The following KLHL8 variants were observed in gnomAD, a reference collection of about 807,000 sequenced individuals.
The protein encoded by KLHL8 is kelch-like protein 8.
A neutral mutation model predicts 63.5 loss-of-function variants in KLHL8; 38 were observed. The observed-to-expected ratio is 0.60, with a 90% CI of 0.46 to 0.78. The LOEUF is 0.78. Ranked by LOEUF, KLHL8 falls within the 30% of genes least tolerant of loss-of-function variation. The probability of loss-of-function intolerance (pLI) is 0.00; values close to 1 mark genes in which losing one functional copy is unlikely to be tolerated. For synonymous variants in KLHL8, 224 were observed against 254.3 expected (o/e 0.88, Z 1.13); for missense variants, 566 against 752.4 (o/e 0.75, Z 2.90).
intron 1 of KLHL8, among the ~76,000 whole-genome samples, chr4:87,215,941 C>A (rs1004270462): frequency 5.3e-5 from 8 of 152,158 alleles, no homozygotes; most frequent in Admixed American, 6.5e-5. Flanking sequence ...AAATATCATA[C>A]AACAGATTAT....
At chr4:87,226,759 T>A (rs1434362292) in intron 1 of KLHL8, among the ~76,000 whole-genome samples, 1 of 5,894 alleles carries the variant, frequency 1.7e-4, no homozygotes, top group Non-Finnish European at 2.8e-4. Context: ...TATATATTAT[T>A]TATATATAAT....
chr4:87,178,334 A>C lies in KLHL8; in HGVS notation c.1096+143T>G, dbSNP rs757967079. 171 of 834,422 alleles carry C rather than the reference A, an allele frequency of 2.0e-4. 1 individual carries two copies. Among genetic ancestry groups the C allele is most frequent in the Non-Finnish European group, 2.9e-4 (163 of 563,252 alleles). The allele number at this position is 834,422 out of a possible 1,614,324, so 51.7% of individuals were successfully genotyped here. A position where few individuals can be genotyped will look rare whatever the true frequency, so the allele number is the denominator to read the frequency against. On this transcript the variant is annotated intron_variant, in intron 5 of 9. Coordinates refer to ENST00000273963, the MANE Select transcript of KLHL8 (RefSeq NM_020803.5). ...ACTGAGCATCTGTGGGCACAAAGCA[A>C]GTAAATTATCACTAACCAAGCATTT... is the stretch of plus-strand genomic sequence containing the variant.
chr4:87,183,795 C>T (rs1160719585), intron 3 of KLHL8, among the ~76,000 whole-genome samples: 1 of 152,102 alleles, frequency 6.6e-6, no homozygotes, highest in East Asian at 1.9e-4. Flanking sequence ...TGTTCTTTTG[C>T]CTTTTTAAGC....
At chr4:87,185,821 A>G (rs567370628) in intron 2 of KLHL8, 22 bp from the exon 3 acceptor site, 1 of 1,538,504 alleles carries the variant, frequency 6.5e-7, no homozygotes, top group African/African-American at 1.4e-5. Flanking sequence ...AAACCAAGAA[A>G]GATTCTGTTT....
At chr4:87,177,459 G>A (rs1406610855) in intron 5 of KLHL8, among the ~76,000 whole-genome samples, 2 of 151,804 alleles carry the variant, frequency 1.3e-5, no homozygotes, top group Admixed American at 6.6e-5. Context: ...AGCTGAGGTC[G>A]CACCACTGCC....
chr4:87,168,724 A>G (rs946659320), intron 8 of KLHL8, among the ~76,000 whole-genome samples: 1 of 146,812 alleles, frequency 6.8e-6, no homozygotes, highest in Non-Finnish European at 1.5e-5. Context: ...ATATATACGT[A>G]TATATATGTG....
Position 87,214,415 on chromosome 4 carries a change from G to GATATATATATATATAT in KLHL8, c.-152+5987_-152+6002dup, listed in dbSNP as rs58112792. 9.6e-4 allele frequency among the ~76,000 whole-genome samples: 89 copies of GATATATATATATATAT among 93,078 alleles called. 6 individuals are homozygous for GATATATATATATATAT. Among genetic ancestry groups the GATATATATATATATAT allele is most frequent in the Non-Finnish European group, 1.2e-3 (51 of 42,292 alleles). The allele number at this position is 93,078 out of a possible 152,430, so 61.1% of individuals were successfully genotyped here. A position where few individuals can be genotyped will look rare whatever the true frequency, so the allele number is the denominator to read the frequency against. On this transcript the variant is annotated intron_variant, in intron 1 of 9. Coordinates refer to ENST00000273963, the MANE Select transcript of KLHL8 (RefSeq NM_020803.5). ...TGAGTTAACAAACTGGCACATAACA[G>GATATATATATATATAT]ATATATATATATATATATATATATA...
At chr4:87,224,204 C>T (rs1321465483), upstream of KLHL8, among the ~76,000 whole-genome samples, 2 of 152,050 alleles carry the variant, frequency 1.3e-5, no homozygotes, top group Non-Finnish European at 2.9e-5. Flanking sequence ...TGGGTTTCGG[C>T]CTCCCAAAGT....
At chr4:87,179,375 T>C (rs531218412) in intron 4 of KLHL8, among the ~76,000 whole-genome samples, 4 of 152,350 alleles carry the variant, frequency 2.6e-5, no homozygotes, top group South Asian at 2.1e-4. Context: ...TGCTTTCAGA[T>C]TGTCAACACA....
chr4:87,164,957 G>T (rs996915656), intron 8 of KLHL8, among the ~76,000 whole-genome samples: 2 of 151,878 alleles, frequency 1.3e-5, no homozygotes, highest in African/African-American at 4.8e-5. Flanking sequence ...GACCATCCTG[G>T]CTAACACGGT....
chr4:87,186,324 C>G (rs1427901593), intron 2 of KLHL8, among the ~76,000 whole-genome samples: 1 of 151,468 alleles, frequency 6.6e-6, no homozygotes, highest in African/African-American at 2.4e-5. Flanking sequence ...CTGGGATTAC[C>G]AGTGTGAGCC....
intron 1 of KLHL8, among the ~76,000 whole-genome samples, chr4:87,204,265 C>T (rs1488550562): frequency 6.6e-6 from 1 of 152,000 alleles, no homozygotes; most frequent in Admixed American, 6.6e-5. Flanking sequence ...AATACCACTA[C>T]ACATCTATTA....
At chr4:87,224,201 C>T (rs1043831588), upstream of KLHL8, among the ~76,000 whole-genome samples, 3 of 151,992 alleles carry the variant, frequency 2.0e-5, no homozygotes, top group Admixed American at 6.6e-5. Flanking sequence ...AGCTGGGTTT[C>T]GGCCTCCCAA....
At chr4:87,171,476 A>T (rs1218285827) in intron 6 of KLHL8, among the ~76,000 whole-genome samples, 1 of 152,250 alleles carries the variant, frequency 6.6e-6, no homozygotes, top group African/African-American at 2.4e-5. Flanking sequence ...CTTAAGGATA[A>T]TGTTATCATT....
At chr4:87,190,477 T>A (rs1731439068) in intron 2 of KLHL8, among the ~76,000 whole-genome samples, 1 of 152,036 alleles carries the variant, frequency 6.6e-6, no homozygotes, top group African/African-American at 2.4e-5. Flanking sequence ...AAACCCCATC[T>A]CTATAAAAAT....
chr4:87,233,310 C>CG (rs1362000707), intron 1 of KLHL8, among the ~76,000 whole-genome samples: 2 of 152,104 alleles, frequency 1.3e-5, no homozygotes, highest in African/African-American at 4.8e-5. Context: ...TCAAACTGAC[C>CG]GGGTGCGTGG....
At chr4:87,197,469 G>A (rs1409624748) in intron 1 of KLHL8, among the ~76,000 whole-genome samples, 9 of 152,208 alleles carry the variant, frequency 5.9e-5, no homozygotes, top group Non-Finnish European at 1.3e-4. Flanking sequence ...CTGAATAAGT[G>A]TGGAAGCAGA....
chr4:87,224,681 T>C (rs1479626801), upstream of KLHL8, among the ~76,000 whole-genome samples: 1 of 152,168 alleles, frequency 6.6e-6, no homozygotes, highest in Non-Finnish European at 1.5e-5. Context: ...GCCTTTACTG[T>C]GGCACTTCAG....
At chr4:87,221,392 T>TAAAAAAAAA (rs71660123), upstream of KLHL8, 2 of 87,034 alleles carry the variant, frequency 2.3e-5, no homozygotes, top group African/African-American at 5.4e-5. Context: ...AGACTCCGTC[T>TAAAAAAAAA]AAAAAAAAAA....
Sources: gnomAD v4.1 joint callset for allele counts (sites outside exome capture counted in the v4.1 genomes callset) on GRCh38, gnomAD v4.1.1 for gene constraint, MANE v1.5 for transcripts, NCBI Gene and HGNC (gene_info 2026-07-23, HGNC 2026-07-21) for gene names.